Variants in UTP4 observed in about 807,000 individuals in gnomAD.
UTP4 encodes U3 small nucleolar RNA-associated protein 4 homolog.
In UTP4, 45 loss-of-function variants were observed where a neutral mutation model predicts 82.4. The ratio of observed to expected loss-of-function variants is 0.55; its 90% CI spans 0.43 to 0.70. The LOEUF (loss-of-function observed/expected upper bound fraction) is 0.70, where lower values mean the gene tolerates loss of function less well. Ranked by LOEUF, UTP4 falls within the 30% of genes least tolerant of loss-of-function variation. UTP4 has a pLI of 0.00. For missense variants in UTP4, 819 were observed against 858.3 expected (o/e 0.95, Z 0.57); for synonymous variants, 348 against 300.3 (o/e 1.16, Z -1.64).
chr16:69,137,923 A>T, intron 4 of UTP4, 38 bp downstream of exon 4: 2 of 1,263,982 alleles, frequency 1.6e-6, no homozygotes, highest in Non-Finnish European at 2.3e-6. Context: ...AATAGCCTTA[A>T]CAAGAAATTA....
intron 13 of UTP4, among the ~76,000 whole-genome samples, chr16:69,161,395 C>T (rs1206456476): frequency 6.6e-6 from 1 of 152,210 alleles, no homozygotes; most frequent in Non-Finnish European, 1.5e-5. Context: ...ATAGTGTAAC[C>T]TTTGTTGCAT....
At chr16:69,149,164 T>C (rs939301846) in intron 6 of UTP4, among the ~76,000 whole-genome samples, 3 of 151,626 alleles carry the variant, frequency 2.0e-5, no homozygotes, top group African/African-American at 7.3e-5. Context: ...GTATATCCCC[T>C]AGGTCAGGAG....
At chr16:69,137,073 T>G (rs1597132797) in intron 3 of UTP4, among the ~76,000 whole-genome samples, 186 bp downstream of exon 3, 1 of 152,362 alleles carries the variant, frequency 6.6e-6, no homozygotes, top group East Asian at 1.9e-4. Context: ...CTGGACCTTG[T>G]TGATTCATTT....
At chr16:69,133,852 T>C (rs1962727848) in intron 2 of UTP4, among the ~76,000 whole-genome samples, 1 of 152,192 alleles carries the variant, frequency 6.6e-6, no homozygotes. Flanking sequence ...CTGCCTGTCA[T>C]TGGAAACTGA....
chr16:69,160,743 T>C (rs1198687349), intron 13 of UTP4, among the ~76,000 whole-genome samples: 1 of 151,690 alleles, frequency 6.6e-6, no homozygotes, highest in African/African-American at 2.4e-5. Flanking sequence ...ATTACAGGTG[T>C]GTGCCTCCAC....
At chr16:69,168,500 A>G (rs1278329079) in intron 16 of UTP4, among the ~76,000 whole-genome samples, 3 of 150,798 alleles carry the variant, frequency 2.0e-5, no homozygotes, top group Admixed American at 6.6e-5. Context: ...ACACCTACCT[A>G]TTGTCCCAGC....
intron 1 of UTP4, 126 bp from the exon 2 acceptor site, chr16:69,133,332 G>A (rs1328743355): frequency 5.7e-6 from 5 of 882,890 alleles, no homozygotes; most frequent in Non-Finnish European, 9.3e-6. Context: ...CAGCCATTTG[G>A]AAATGAACTT....
Position 69,152,091 on chromosome 16 carries a change from G to A in UTP4, c.1002+1187G>A, listed in dbSNP as rs150712021. ...AAATCATACATATTTAATGCATATG[G>A]TTTGATGAGGTTGAACATAGTCCTC... On this transcript the variant is annotated intron_variant, in intron 8 of 16. Coordinates refer to ENST00000314423, the MANE Select transcript of UTP4 (RefSeq NM_032830.3). Among the ~76,000 whole-genome samples, 36 of 150,770 alleles carry A rather than the reference G, an allele frequency of 2.4e-4. No homozygotes were observed. In the East Asian group the frequency reaches 5.8e-3, roughly 24 times the overall value.
At position 69,153,566 on chromosome 16, in the gene UTP4, C is replaced by T. The variant is rs374852903; in HGVS notation, c.1003-18C>T. On this transcript the variant is annotated intron_variant, in intron 8 of 16. Coordinates refer to ENST00000314423, the MANE Select transcript of UTP4 (RefSeq NM_032830.3). ...TGACCCTGACTTATTTTTTTAACTT[C>T]TTGATTCTTGGATATAGCGATGTCT... 2 of 1,596,016 alleles carry T rather than the reference C, an allele frequency of 1.3e-6. No individual in the cohort carries two copies. The highest frequency in any genetic ancestry group is 2.2e-5 in the East Asian group (1 of 44,810).
chr16:69,165,847 T>G, intron 15 of UTP4: 1 of 465,666 alleles, frequency 2.1e-6, no homozygotes, highest in Non-Finnish European at 3.9e-6. Context: ...ATTCGGAAGG[T>G]GACCCTCATC....
chr16:69,160,222 C>G (rs1963528545), intron 12 of UTP4, 134 bp from the exon 13 acceptor site: 1 of 779,694 alleles, frequency 1.3e-6, no homozygotes, highest in South Asian at 1.4e-5. Flanking sequence ...AAGTAATTTG[C>G]ACAGTGATCA....
intron 6 of UTP4, 121 bp from the exon 7 acceptor site, chr16:69,150,416 T>C (rs1378641387): frequency 1.8e-6 from 2 of 1,116,246 alleles, no homozygotes; most frequent in East Asian, 4.7e-5. Context: ...CCCTTGTAAC[T>C]TTCCTACTGA....
At chr16:69,141,460 T>G (rs778430269) in intron 5 of UTP4, among the ~76,000 whole-genome samples, 1 of 152,232 alleles carries the variant, frequency 6.6e-6, no homozygotes, top group Non-Finnish European at 1.5e-5. Flanking sequence ...CTGAGAGTTA[T>G]CCCTTTGTGT....
chr16:69,166,810 A>G, intron 15 of UTP4: 1 of 481,754 alleles, frequency 2.1e-6, no homozygotes, highest in Non-Finnish European at 3.7e-6. Flanking sequence ...TCTTTGCCTC[A>G]TACACCCACC....
intron 4 of UTP4, among the ~76,000 whole-genome samples, chr16:69,138,357 C>T (rs996779964): frequency 2.6e-5 from 4 of 152,020 alleles, no homozygotes; most frequent in African/African-American, 9.7e-5. Flanking sequence ...GGTGCCTCAG[C>T]CTCCCAAGTG....
At chr16:69,139,381 G>A (rs1173196815) in intron 4 of UTP4, among the ~76,000 whole-genome samples, 1 of 151,894 alleles carries the variant, frequency 6.6e-6, no homozygotes, top group Non-Finnish European at 1.5e-5. Context: ...GCTTACACCT[G>A]TAATCCCAGT....
rs76405289 is a variant in UTP4, at chr16:69,148,132, T to A, written c.739-2405T>A. Among the ~76,000 whole-genome samples, 72 of 149,916 alleles carry A rather than the reference T, an allele frequency of 4.8e-4. No homozygotes were observed. In the East Asian group the frequency reaches 0.013, roughly 26 times the overall value. ...CACCACACCCGGCTAATTTTTTGTA[T>A]TTTTTTTTTCAGTAGAGATGGGTTT... On this transcript the variant is annotated intron_variant, in intron 6 of 16. Transcript: ENST00000314423.
At chr16:69,133,666 T>A in intron 2 of UTP4, 48 bp downstream of exon 2, 1 of 1,586,890 alleles carries the variant, frequency 6.3e-7, no homozygotes, top group East Asian at 2.2e-5. Context: ...TAATTTCTTC[T>A]GAAGTTCAAG....
At chr16:69,149,626 C>T (rs960399723) in intron 6 of UTP4, among the ~76,000 whole-genome samples, 3 of 152,192 alleles carry the variant, frequency 2.0e-5, no homozygotes, top group African/African-American at 7.2e-5. Flanking sequence ...CTTCTGGGCT[C>T]AAGTGATCCT....
Sources: allele counts gnomAD v4.1 joint callset (sites outside exome capture counted in the v4.1 genomes callset), GRCh38; gene constraint gnomAD v4.1.1; transcripts MANE v1.5; gene names NCBI Gene and HGNC (gene_info 2026-07-23, HGNC 2026-07-21).